The following ALKBH4 variants were observed in gnomAD, a reference collection of about 807,000 sequenced individuals.
ALKBH4 encodes the protein alpha-ketoglutarate-dependent dioxygenase alkB homolog 4.
ALKBH4 carries 8 observed loss-of-function variants against 12.1 expected under a neutral mutation model. That is an observed-to-expected ratio of 0.66 (90% CI 0.39 to 1.19). ALKBH4 has a LOEUF of 1.19. Among genes scored for constraint, ALKBH4 ranks in the 50% most tolerant of loss-of-function variants. The pLI is 0.01. For synonymous variants in ALKBH4, 195 were observed against 191.6 expected (o/e 1.02, Z -0.15); for missense variants, 403 against 430.4 (o/e 0.94, Z 0.56).
chr7:102,458,847 A>G (rs1586729350), intron 2 of ALKBH4, among the ~76,000 whole-genome samples: 1 of 152,102 alleles, frequency 6.6e-6, no homozygotes. Context: ...AACATCCAAC[A>G]GGATGTCACA....
intron 1 of ALKBH4, 76 bp from the exon 2 acceptor site, chr7:102,459,877 GGT>G (rs1797753567): frequency 7.2e-7 from 1 of 1,395,554 alleles, no homozygotes; most frequent in African/African-American, 1.4e-5. Flanking sequence ...AAACAGGCCA[GGT>G]GCGGTGGCTC....
At chr7:102,459,974 T>C (rs1797756759) in intron 1 of ALKBH4, among the ~76,000 whole-genome samples, 173 bp from the exon 2 acceptor site, 1 of 151,790 alleles carries the variant, frequency 6.6e-6, no homozygotes, top group Non-Finnish European at 1.5e-5. Flanking sequence ...GCCAACATGG[T>C]GAAACCCCAT....
In ALKBH4 at chr7:102,457,742, G is replaced by T; in HGVS notation, c.561C>A (p.Ser187=). The T allele has an allele frequency of 6.3e-7, 1 of 1,578,754 alleles. No individual in the cohort carries two copies. The highest frequency in any genetic ancestry group is 8.6e-7 in the Non-Finnish European group (1 of 1,165,284). The change falls in exon 3 of 3, where the codon TCC becomes TCA. Residue 187 remains serine, a synonymous_variant. Transcript: ENST00000292566. The surrounding 1 kb of genome is among the most constrained non-coding windows in gnomAD (Gnocchi z 5.9). Reference sequence around the variant, plus strand: ...CCCGACACATGGACAGCACGGTGGGGGACAGGAGGTTGAGGCTGACCAGCC... The same window carrying T: ...CCCGACACATGGACAGCACGGTGGGTGACAGGAGGTTGAGGCTGACCAGCC... ...GERLVSLNLL[S]PTVLSMCREA...
At chr7:102,460,147 C>CAAAAAA (rs55976687) in intron 1 of ALKBH4, among the ~76,000 whole-genome samples, 1 of 133,312 alleles carries the variant, frequency 7.5e-6, no homozygotes, top group African/African-American at 2.9e-5. Context: ...GAGTGAGACT[C>CAAAAAA]AAAAAAAAAA....
chr7:102,463,767 T>C (rs1797860595), intron 1 of ALKBH4, among the ~76,000 whole-genome samples: 1 of 152,176 alleles, frequency 6.6e-6, no homozygotes, highest in Non-Finnish European at 1.5e-5. Flanking sequence ...AGAAGCAGGA[T>C]TGCGGATCAT....
At position 102,459,652 on chromosome 7, in the gene ALKBH4, G is replaced by A. The variant is rs1214987196; in HGVS notation, c.273C>T (p.Leu91=). Residue 91 remains leucine (L), a synonymous_variant, in exon 2 of 3, where the codon CTC becomes CTT. Coordinates refer to ENST00000292566, the MANE Select transcript of ALKBH4 (RefSeq NM_017621.4). ...TREEEAELVR[L]MDRDPWKLSQ... ...AGAGCTTCCAGGGGTCACGGTCCAT[G>A]AGCCGCACCAACTCGGCTTCTTCCT... is the stretch of plus-strand genomic sequence containing the variant. 1 of 1,614,184 alleles carries A rather than the reference G, an allele frequency of 6.2e-7. No individual in the cohort carries two copies. Among genetic ancestry groups the A allele is most frequent in the Non-Finnish European group, 8.5e-7 (1 of 1,180,020 alleles).
intron 1 of ALKBH4, among the ~76,000 whole-genome samples, chr7:102,460,919 C>A (rs543503727): frequency 6.6e-6 from 1 of 152,134 alleles, no homozygotes; most frequent in Non-Finnish European, 1.5e-5. Context: ...CTTTCCAGAC[C>A]CAGCATCACC....
intron 1 of ALKBH4, among the ~76,000 whole-genome samples, chr7:102,462,955 C>CTTTT (rs200495061): frequency 3.3e-5 from 4 of 121,920 alleles, no homozygotes; most frequent in South Asian, 2.6e-4. Context: ...TCAAAATGTC[C>CTTTT]TTTTTTTTTT....
chr7:102,461,285 C>T (rs1797787992), intron 1 of ALKBH4, among the ~76,000 whole-genome samples: 1 of 152,036 alleles, frequency 6.6e-6, no homozygotes. Context: ...TGCAGTGAGC[C>T]AAGATCGTGC....
At chr7:102,462,901 ACTTAGCATCGTGTCC>A in intron 1 of ALKBH4, among the ~76,000 whole-genome samples, 1 of 150,492 alleles carries the variant, frequency 6.6e-6, no homozygotes, top group Non-Finnish European at 1.5e-5. Flanking sequence ...TGCTTCCTTA[ACTTAGCATCGTGTCC>A]CCAAGGTTCG....
At chr7:102,459,437 G>A (rs998816706) in intron 2 of ALKBH4, 167 bp downstream of exon 2, 3 of 763,590 alleles carry the variant, frequency 3.9e-6, no homozygotes, top group East Asian at 2.7e-5. Context: ...TCGGACACAC[G>A]TCCTGCAGCG....
intron 1 of ALKBH4, among the ~76,000 whole-genome samples, chr7:102,463,992 T>G (rs1797867893): frequency 1.3e-5 from 2 of 151,908 alleles, no homozygotes; most frequent in South Asian, 4.1e-4. Context: ...TTGGGACAAG[T>G]CCAGCCTGCT....
chr7:102,464,678 G>T, intron 1 of ALKBH4, 36 bp downstream of exon 1: 1 of 1,490,714 alleles, frequency 6.7e-7, no homozygotes. Flanking sequence ...GATGCAGAGC[G>T]ACGTTTGTGG....
At chr7:102,459,893 C>G in intron 1 of ALKBH4, 92 bp from the exon 2 acceptor site, 2 of 1,242,556 alleles carry the variant, frequency 1.6e-6, no homozygotes, top group Non-Finnish European at 1.1e-6. Flanking sequence ...GTGGCTCACG[C>G]CTGTAATTCC....
intron 1 of ALKBH4, among the ~76,000 whole-genome samples, chr7:102,462,847 G>A (rs56208004): frequency 0.11 from 17,458 of 151,822 alleles, 1,303 homozygotes; most frequent in South Asian, 0.23. Flanking sequence ...ACTACCCTAC[G>A]TAGCTCACAC....
chr7:102,463,770 C>A (rs956033846), intron 1 of ALKBH4, among the ~76,000 whole-genome samples: 8 of 152,174 alleles, frequency 5.3e-5, no homozygotes, highest in African/African-American at 1.9e-4. Context: ...AGCAGGATTG[C>A]GGATCATGGG....
intron 1 of ALKBH4, among the ~76,000 whole-genome samples, chr7:102,464,321 T>A (rs1797883440): frequency 6.6e-6 from 1 of 152,236 alleles, no homozygotes; most frequent in East Asian, 1.9e-4. Context: ...TTTTCGTTAG[T>A]TAACTGGAAT....
chr7:102,462,672 C>A (rs1314865490), intron 1 of ALKBH4, among the ~76,000 whole-genome samples: 2 of 152,116 alleles, frequency 1.3e-5, no homozygotes, highest in African/African-American at 2.4e-5. Context: ...CTGGCCCCTT[C>A]CACAAATTAA....
Position 102,457,497 on chromosome 7 carries a change from G to A in ALKBH4, c.806C>T (p.Thr269Ile). 1 of 1,613,532 alleles carries A rather than the reference G, an allele frequency of 6.2e-7. No individual in the cohort carries two copies. Among genetic ancestry groups the A allele is most frequent in the South Asian group, 1.1e-5 (1 of 91,086 alleles). The change falls in exon 3 of 3, where the codon ACT (threonine) becomes ATT (isoleucine). Residue 269 changes from threonine (T) to isoleucine (I), a missense_variant. By Grantham distance (89) the Thr-to-Ile change is moderately conservative. Transcript: ENST00000292566. The surrounding 1 kb of genome is among the most constrained non-coding windows in gnomAD (Gnocchi z 5.9). ...RHIEARRVCV[T>I]FRELSAEFGP... The stretch of plus-strand genomic sequence containing the variant: ...AAACTCAGCCGACAGCTCCCGGAAA[G>A]TGACGCAGACGCGGCGGGCCTCGAT...
Sources: gnomAD v4.1 joint callset for allele counts (sites outside exome capture counted in the v4.1 genomes callset) on GRCh38, gnomAD v4.1.1 for gene constraint, Gnocchi (gnomAD v3.1) non-coding constraint, MANE v1.5 for transcripts, NCBI Gene and HGNC (gene_info 2026-07-23, HGNC 2026-07-21) for gene names.